Variants in CHD3 observed in about 807,000 individuals in gnomAD.
The protein encoded by CHD3 is chromodomain helicase DNA binding protein 3.
In CHD3, 52 loss-of-function variants were observed where a neutral mutation model predicts 248.9. The observed-to-expected ratio is 0.21, with a 90% CI of 0.17 to 0.26. The LOEUF is 0.26. Among genes scored for constraint, CHD3 ranks in the 10% least tolerant of loss-of-function variants. The probability of loss-of-function intolerance (pLI) is 1.00; values close to 1 mark genes in which losing one functional copy is unlikely to be tolerated. For missense variants in CHD3, 1,482 were observed against 2,605.8 expected, an observed-to-expected ratio of 0.57 and a Z score of 9.39; for synonymous variants, 985 against 985.2, an observed-to-expected ratio of 1.00 and a Z score of 0.00.
At position 7,895,069 on chromosome 17, in the gene CHD3, C is replaced by T; in HGVS notation, c.1422C>T (p.Cys474=). The T allele has an allele frequency of 6.2e-7, 1 of 1,614,122 alleles. No homozygotes were observed. Among genetic ancestry groups the T allele is most frequent in the Non-Finnish European group, 8.5e-7 (1 of 1,180,004 alleles). The change falls in exon 9 of 40, where the codon TGC becomes TGT. Residue 474 remains cysteine (C), a synonymous_variant. Transcript: ENST00000330494. This position sits in a 1 kb window ranked among gnomAD's most constrained non-coding sequence, Gnocchi z 4.9. ...DGGELLCCDA[C]ISSYHIHCLN... ...GGGAGCTCCTGTGCTGTGACGCGTG[C>T]ATCTCCTCCTACCACATTCATTGTC...
In CHD3 at chr17:7,904,328, T is replaced by C; in HGVS notation, c.3895-114T>C. 2.1e-6 allele frequency: 2 copies of C among 947,444 alleles called. No individual in the cohort carries two copies. The highest frequency in any genetic ancestry group is 3.2e-6 in the Non-Finnish European group (2 of 616,400). The allele number at this position is 947,444 out of a possible 1,614,324, so 58.7% of individuals were successfully genotyped here. On this transcript the variant is annotated intron_variant, in intron 24 of 39. Transcript: ENST00000330494. This position sits in a 1 kb window ranked among gnomAD's most constrained non-coding sequence, Gnocchi z 4.4. Reference sequence around the variant, plus strand: ...GAAAATGTATGCAGAGCCACGAAGCTGCAGGAGTGGGGAGACCGGATTGGG... The same window carrying C: ...GAAAATGTATGCAGAGCCACGAAGCCGCAGGAGTGGGGAGACCGGATTGGG...
chr17:7,887,597 G>T (rs1019674811), upstream of CHD3, among the ~76,000 whole-genome samples: 1 of 152,176 alleles, frequency 6.6e-6, no homozygotes, highest in Admixed American at 6.5e-5. Flanking sequence ...GGTGCGTTGT[G>T]GGGGAGGGAG....
At position 7,899,947 on chromosome 17, in the gene CHD3, A is replaced by C; in HGVS notation, c.2596A>C (p.Thr866Pro). The change falls in exon 16 of 40, where the codon ACC becomes CCC. Residue 866 changes from threonine to proline, a missense_variant. Physicochemically the swap from Thr to Pro is conservative, Grantham distance 38. Coordinates refer to ENST00000330494, the MANE Select transcript of CHD3 (RefSeq NM_001005273.3). This position sits in a 1 kb window ranked among gnomAD's most constrained non-coding sequence, Gnocchi z 6.8. Reference protein sequence around the residue: ...HVLLTSYELITIDQAALGSIR... With the variant: ...HVLLTSYELIPIDQAALGSIR... ...TCTCCTGACATCGTATGAGCTGATC[A>C]CCATTGATCAGGCAGCACTTGGTTC... The C allele has an allele frequency of 6.2e-7, 1 of 1,614,024 alleles. No homozygotes were observed. The highest frequency in any genetic ancestry group is 8.5e-7 in the Non-Finnish European group (1 of 1,180,026).
Position 7,910,768 on chromosome 17 carries a change from C to T in CHD3, c.5755-79C>T, listed in dbSNP as rs2151685373. Reference sequence around the variant, plus strand: ...TACCCTTAGCAGTTGTGGAGTGTGGCTCATAATGTCTCTCCTACAGCTTCT... The same window carrying T: ...TACCCTTAGCAGTTGTGGAGTGTGGTTCATAATGTCTCTCCTACAGCTTCT... On this transcript the variant is annotated intron_variant, in intron 38 of 39. Coordinates refer to ENST00000330494, the MANE Select transcript of CHD3 (RefSeq NM_001005273.3). This position sits in a 1 kb window ranked among gnomAD's most constrained non-coding sequence, Gnocchi z 4.7. The T allele has an allele frequency of 6.5e-7, 1 of 1,543,078 alleles. No individual in the cohort carries two copies. The highest frequency in any genetic ancestry group is 1.4e-5 in the African/African-American group (1 of 72,182).
In CHD3 at chr17:7,890,711, G is replaced by C. The variant is rs1968724558; in HGVS notation, c.354G>C (p.Arg118=). The change falls in exon 3 of 40, where the codon CGG becomes CGC. Residue 118 remains arginine, a synonymous_variant. Transcript: ENST00000330494. The stretch of plus-strand genomic sequence containing the variant: ...AAAAGGAGAAGAAGACAAAGCGGCG[G>C]AAAAAGGGGGAGGGAGATGGGGGGC... The part of the protein sequence containing the change: ...REKKEKKTKR[R]KKGEGDGGQK... The C allele has an allele frequency of 6.3e-7, 1 of 1,578,792 alleles. No individual in the cohort carries two copies. Among genetic ancestry groups the C allele is most frequent in the African/African-American group, 1.4e-5 (1 of 72,218 alleles).
rs1490428405 is a variant in CHD3, at chr17:7,907,623, A to G, written c.4947A>G (p.Glu1649=). The G allele has an allele frequency of 1.3e-6, 2 of 1,519,930 alleles. No homozygotes were observed. The highest frequency in any genetic ancestry group is 1.8e-6 in the Non-Finnish European group (2 of 1,137,556). 94.2% of individuals were successfully genotyped at this position (1,519,930 alleles called of 1,614,324 possible). Residue 1649 remains glutamate (E), a synonymous_variant, in exon 33 of 40, where the codon GAA becomes GAG. Transcript: ENST00000330494. This position sits in a 1 kb window ranked among gnomAD's most constrained non-coding sequence, Gnocchi z 4.3. The stretch of plus-strand genomic sequence containing the variant: ...CAGCCACAGAGTCGACGCCAGGAGA[A>G]AGGGGGGAGGAGAAGCCGTTGGATG... ...EKSATESTPG[E]RGEEKPLDGQ...
intron 20 of CHD3, among the ~76,000 whole-genome samples, chr17:7,902,232 G>A (rs1164291468): frequency 6.6e-6 from 1 of 152,006 alleles, no homozygotes; most frequent in East Asian, 1.9e-4. Flanking sequence ...GACCAGCCTG[G>A]CCAACATGGT....
rs367926390 is a variant in CHD3, at chr17:7,895,202, C to T, written c.1503+52C>T. The T allele has an allele frequency of 2.3e-5, 37 of 1,593,292 alleles. No individual in the cohort carries two copies. In the African/African-American group the frequency reaches 5.0e-4, roughly 21 times the overall value. On this transcript the variant is annotated intron_variant, in intron 9 of 39. Coordinates refer to ENST00000330494, the MANE Select transcript of CHD3 (RefSeq NM_001005273.3). This position sits in a 1 kb window ranked among gnomAD's most constrained non-coding sequence, Gnocchi z 4.9. ...TTTACTGTCAGGCCTGATCCCTTCC[C>T]CCATCCCTGGGGCCCACATGTCCAG...
chr17:7,909,446 C>A lies in CHD3; in HGVS notation c.5590+108C>A, dbSNP rs1269117282. 27 of 1,396,580 alleles carry A rather than the reference C, an allele frequency of 1.9e-5. No individual in the cohort carries two copies. Among genetic ancestry groups the A allele is most frequent in the Non-Finnish European group, 2.5e-5 (27 of 1,065,556 alleles). The allele number at this position is 1,396,580 out of a possible 1,614,324, so 86.5% of individuals were successfully genotyped here. On this transcript the variant is annotated intron_variant, in intron 37 of 39. Coordinates refer to ENST00000330494, the MANE Select transcript of CHD3 (RefSeq NM_001005273.3). The surrounding 1 kb of genome is among the most constrained non-coding windows in gnomAD (Gnocchi z 8.1). ...CCCCCTGACCCCTCTACCTGCTGAACCATCCCCCTCTGACCTCTAACCCCA... is the reference window on the plus strand; with the variant it reads ...CCCCCTGACCCCTCTACCTGCTGAAACATCCCCCTCTGACCTCTAACCCCA...
rs1458157976 is a variant in CHD3 at position 7,895,591 on chromosome 17, A to G, written c.1707+49A>G. 2.7e-6 allele frequency: 4 copies of G among 1,494,922 alleles called. No homozygotes were observed. The highest frequency in any genetic ancestry group is 1.4e-5 in the African/African-American group (1 of 72,260). The allele number at this position is 1,494,922 out of a possible 1,614,324, so 92.6% of individuals were successfully genotyped here. ...CTCCCCCATGACCTCATTTCCTGCC[A>G]TCCTCTCCCTCTCTTACTCCTCTGT... On this transcript the variant is annotated intron_variant, in intron 10 of 39. Transcript: ENST00000330494. The surrounding 1 kb of genome is among the most constrained non-coding windows in gnomAD (Gnocchi z 4.9).
At chr17:7,891,173 C>T (rs945563456) in intron 4 of CHD3, 109 bp downstream of exon 4, 56 of 1,281,050 alleles carry the variant, frequency 4.4e-5, no homozygotes, top group Middle Eastern at 2.5e-4. Context: ...AGAGAATTCA[C>T]GGTGTATACA....
In CHD3 at chr17:7,899,127, C is replaced by T; in HGVS notation, c.2268C>T (p.Asp756=). 1.2e-6 allele frequency: 2 copies of T among 1,614,154 alleles called. No individual in the cohort carries two copies. The highest frequency in any genetic ancestry group is 1.7e-6 in the Non-Finnish European group (2 of 1,180,036). ...GCTTCTCCTGGGCCCAGGGCACTGA[C>T]ACCATTCTAGCTGATGAGATGGGGC... ...WLRFSWAQGT[D]TILADEMGLG... is the part of the protein sequence containing the mutation. Residue 756 remains aspartate (D), a synonymous_variant, in exon 14 of 40, where the codon GAC becomes GAT. Transcript: ENST00000330494. The surrounding 1 kb of genome is among the most constrained non-coding windows in gnomAD (Gnocchi z 6.8).
chr17:7,890,070 G>A (rs558730025), intron 2 of CHD3, among the ~76,000 whole-genome samples: 2 of 152,324 alleles, frequency 1.3e-5, no homozygotes, highest in Admixed American at 6.5e-5. Flanking sequence ...CAAGAGTCCA[G>A]CATTCCTCTG....
intron 12 of CHD3, 37 bp from the exon 13 acceptor site, chr17:7,898,459 A>G (rs1969943812): frequency 1.4e-6 from 2 of 1,478,512 alleles, no homozygotes; most frequent in Non-Finnish European, 9.4e-7. Flanking sequence ...TAGGACTCCC[A>G]AGGATGAGGC....
Position 7,903,667 on chromosome 17 carries a change from T to C in CHD3, c.3728-158T>C, listed in dbSNP as rs1401610346. 1.3e-5 allele frequency among the ~76,000 whole-genome samples: 2 copies of C among 152,196 alleles called. No individual in the cohort carries two copies. The highest frequency in any genetic ancestry group is 4.8e-5 in the African/African-American group (2 of 41,448). ...GAAGGTTGGCCTCTTTCTTTGCCTG[T>C]AGGGTTAAAACAAACAAAACAAAAA... On this transcript the variant is annotated intron_variant, in intron 23 of 39. Coordinates refer to ENST00000330494, the MANE Select transcript of CHD3 (RefSeq NM_001005273.3). This position sits in a 1 kb window ranked among gnomAD's most constrained non-coding sequence, Gnocchi z 6.8.
intron 20 of CHD3, 71 bp from the exon 21 acceptor site, chr17:7,902,539 A>T: frequency 3.1e-6 from 3 of 952,448 alleles, no homozygotes; most frequent in Admixed American, 1.8e-5. Context: ...GTTTGTGTAA[A>T]GGAGTAGTTA....
rs1451465113 is a variant in CHD3 at position 7,894,566 on chromosome 17, G to A, written c.1227G>A (p.Glu409=). 2 of 1,614,074 alleles carry A rather than the reference G, an allele frequency of 1.2e-6. No homozygotes were observed. The highest frequency in any genetic ancestry group is 1.7e-6 in the Non-Finnish European group (2 of 1,179,986). The change falls in exon 8 of 40, where the codon GAG becomes GAA. Residue 409 remains glutamate (E), a synonymous_variant. Coordinates refer to ENST00000330494, the MANE Select transcript of CHD3 (RefSeq NM_001005273.3). ...RAYHLVCLDP[E]LDRAPEGKWS... ...ACCACCTCGTCTGCCTTGATCCTGA[G>A]CTTGACCGGGCTCCAGAGGGCAAAT...
At position 7,904,007 on chromosome 17, in the gene CHD3, G is replaced by A. The variant is rs753364756; in HGVS notation, c.3894+16G>A. On this transcript the variant is annotated intron_variant, in intron 24 of 39. Coordinates refer to ENST00000330494, the MANE Select transcript of CHD3 (RefSeq NM_001005273.3). The surrounding 1 kb of genome is among the most constrained non-coding windows in gnomAD (Gnocchi z 4.4). ...AGAAGACAAGGTGAGAGGCTTTGGGGGCCAGACATTATCTATCCCAGGCCA... is the reference window on the plus strand; with the variant it reads ...AGAAGACAAGGTGAGAGGCTTTGGGAGCCAGACATTATCTATCCCAGGCCA... 1.9e-6 allele frequency: 3 copies of A among 1,612,026 alleles called. No individual in the cohort carries two copies. The highest frequency in any genetic ancestry group is 4.5e-5 in the East Asian group (2 of 44,844).
At position 7,908,114 on chromosome 17, in the gene CHD3, T is replaced by G; in HGVS notation, c.5152+95T>G. 1 of 1,418,200 alleles carries G rather than the reference T, an allele frequency of 7.1e-7. No homozygotes were observed. The highest frequency in any genetic ancestry group is 9.6e-7 in the Non-Finnish European group (1 of 1,045,588). 87.9% of individuals were successfully genotyped at this position (1,418,200 alleles called of 1,614,324 possible). On this transcript the variant is annotated intron_variant, in intron 34 of 39. Transcript: ENST00000330494. This position sits in a 1 kb window ranked among gnomAD's most constrained non-coding sequence, Gnocchi z 5.8. ...GCCTGAGGCTTCCTGCTACCTTTAA[T>G]TCCAAGTAACTTCCAATGAAGTATG...
Sources: allele counts gnomAD v4.1 joint callset (sites outside exome capture counted in the v4.1 genomes callset), GRCh38; gene constraint gnomAD v4.1.1; non-coding constraint Gnocchi (gnomAD v3.1); transcripts MANE v1.5; gene names NCBI Gene and HGNC (gene_info 2026-07-23, HGNC 2026-07-21).